The following UBR1 variants were observed in gnomAD, a reference collection of about 807,000 sequenced individuals.
UBR1 encodes E3 ubiquitin-protein ligase UBR1.
In UBR1, 102 loss-of-function variants were observed where a neutral mutation model predicts 242.1. That is an observed-to-expected ratio of 0.42 (90% CI 0.36 to 0.50). The LOEUF is 0.50. Ranked by LOEUF, UBR1 falls within the 20% of genes least tolerant of loss-of-function variation. The pLI is 0.01. For missense variants in UBR1, 1,772 were observed against 2,101.8 expected, an observed-to-expected ratio of 0.84 and a Z score of 3.07; for synonymous variants, 675 against 684.8, an observed-to-expected ratio of 0.99 and a Z score of 0.22.
chr15:42,994,727 T>C (rs2032609678), intron 33 of UBR1, among the ~76,000 whole-genome samples: 1 of 152,210 alleles, frequency 6.6e-6, no homozygotes, highest in African/African-American at 2.4e-5. Context: ...GCTGTTTCTT[T>C]TCCCCAAACA....
chr15:43,022,681 A>T, intron 26 of UBR1, 21 bp downstream of exon 26: 1 of 1,519,440 alleles, frequency 6.6e-7, no homozygotes, highest in Non-Finnish European at 9.1e-7. Context: ...AAATGTGTTG[A>T]AGAGTGATAC....
At chr15:42,999,044 G>A (rs888487833) in intron 32 of UBR1, among the ~76,000 whole-genome samples, 2 of 150,370 alleles carry the variant, frequency 1.3e-5, no homozygotes, top group African/African-American at 2.4e-5. Context: ...GGGTTCAAGC[G>A]ATTCTCCTGC....
At chr15:42,959,147 C>A (rs1006728751) in intron 43 of UBR1, among the ~76,000 whole-genome samples, 1 of 152,122 alleles carries the variant, frequency 6.6e-6, no homozygotes, top group African/African-American at 2.4e-5. Context: ...AATTTAAATT[C>A]TGTAATTCTT....
intron 1 of UBR1, among the ~76,000 whole-genome samples, chr15:43,101,483 T>C (rs1002887629): frequency 1.3e-5 from 2 of 152,148 alleles, no homozygotes; most frequent in Non-Finnish European, 2.9e-5. Flanking sequence ...ACAAAACTCT[T>C]GATCTGCCTT....
chr15:43,090,965 GT>G (rs2034098806), intron 1 of UBR1, among the ~76,000 whole-genome samples: 1 of 152,014 alleles, frequency 6.6e-6, no homozygotes, highest in African/African-American at 2.4e-5. Flanking sequence ...TTGAGGTGGA[GT>G]TTTGCTCTTC....
chr15:42,956,164 G>C (rs188630420), intron 44 of UBR1, among the ~76,000 whole-genome samples: 1 of 152,026 alleles, frequency 6.6e-6, no homozygotes, highest in Non-Finnish European at 1.5e-5. Flanking sequence ...CTGTTTAATG[G>C]GCTTCCATGT....
intron 15 of UBR1, 121 bp downstream of exon 15, chr15:43,043,094 T>TA: frequency 9.2e-7 from 1 of 1,083,208 alleles, no homozygotes; most frequent in Non-Finnish European, 1.4e-6. Context: ...TTAACTGCAG[T>TA]ATCTGACCTG....
chr15:43,059,579 T>C, intron 8 of UBR1, 123 bp downstream of exon 8: 5 of 1,151,988 alleles, frequency 4.3e-6, no homozygotes, highest in Non-Finnish European at 4.8e-6. Context: ...TTAATCAAAG[T>C]GTATAAACCA....
At chr15:42,947,219 C>T (rs1313482394) in intron 46 of UBR1, among the ~76,000 whole-genome samples, 1 of 152,174 alleles carries the variant, frequency 6.6e-6, no homozygotes, top group Non-Finnish European at 1.5e-5. Flanking sequence ...ACACTACAAA[C>T]TTATACTATC....
chr15:43,059,719 T>C lies in UBR1; in HGVS notation c.968A>G (p.Lys323Arg). 1 of 1,614,122 alleles carries C rather than the reference T, an allele frequency of 6.2e-7. No homozygotes were observed. Among genetic ancestry groups the C allele is most frequent in the Non-Finnish European group, 8.5e-7 (1 of 1,180,012 alleles). Residue 323 changes from lysine (K) to arginine (R), a missense_variant, in exon 8 of 47, where the codon AAA (lysine) becomes AGA (arginine). Physicochemically the swap from Lys to Arg is conservative, Grantham distance 26. Around this residue, in one of 3 missense-constraint regions of UBR1, gnomAD observed 734 missense variants for 893.3 expected, o/e 0.82. Coordinates refer to ENST00000290650, the MANE Select transcript of UBR1 (RefSeq NM_174916.3). ...FALRLGSWMN[K>R]IMSYSSDFRQ... ...ATGCTTACTTGAATAGCTCATAATT[T>C]TGTTCATCCAGGAACCAAGACGCAA...
chr15:43,016,702 G>A lies in UBR1; in HGVS notation c.3027+393C>T, dbSNP rs546330302. ...AGTGATTTTCGTGCCTCAGCCTCCCGAGTAGCTGGGACTACATGAGCAAGC... is the reference window on the plus strand; with the variant it reads ...AGTGATTTTCGTGCCTCAGCCTCCCAAGTAGCTGGGACTACATGAGCAAGC... On this transcript the variant is annotated intron_variant, in intron 28 of 46. Coordinates refer to ENST00000290650, the MANE Select transcript of UBR1 (RefSeq NM_174916.3). 2.6e-5 allele frequency among the ~76,000 whole-genome samples: 4 copies of A among 152,102 alleles called. No individual in the cohort carries two copies. In the South Asian group the frequency reaches 6.2e-4, roughly 24 times the overall value.
Position 43,017,161 on chromosome 15 carries a change from T to G in UBR1, c.2961A>C (p.Arg987=). 6.2e-7 allele frequency: 1 copy of G among 1,613,406 alleles called. No individual in the cohort carries two copies. The highest frequency in any genetic ancestry group is 2.2e-5 in the East Asian group (1 of 44,858). ...WILQMFDTVK[R]LREKSCLIVA... Reference sequence around the variant, plus strand: ...CAATTAAACAAGATTTTTCTCTTAATCGCTTCACTGTGTCAAACATCTGTG... The same window carrying G: ...CAATTAAACAAGATTTTTCTCTTAAGCGCTTCACTGTGTCAAACATCTGTG... Residue 987 remains arginine (R), a synonymous_variant, in exon 28 of 47, where the codon CGA becomes CGC. Transcript: ENST00000290650.
chr15:43,086,787 T>C (rs2141361412), intron 1 of UBR1, among the ~76,000 whole-genome samples: 1 of 152,240 alleles, frequency 6.6e-6, no homozygotes, highest in South Asian at 2.1e-4. Context: ...AAGCACAAAT[T>C]AAAATGACAA....
intron 37 of UBR1, among the ~76,000 whole-genome samples, chr15:42,978,795 G>T (rs1198319936): frequency 6.8e-6 from 1 of 146,012 alleles, no homozygotes; most frequent in Non-Finnish European, 1.5e-5. Context: ...GTGGCATGAT[G>T]TCGGCTCACC....
intron 41 of UBR1, among the ~76,000 whole-genome samples, chr15:42,964,465 G>A (rs866299306): frequency 4.0e-5 from 6 of 151,534 alleles, no homozygotes; most frequent in East Asian, 1.9e-4. Flanking sequence ...GCGAAACTCC[G>A]TCTCAAAAAA....
At chr15:42,961,854 A>G (rs1453834798) in intron 42 of UBR1, among the ~76,000 whole-genome samples, 1 of 151,520 alleles carries the variant, frequency 6.6e-6, no homozygotes, top group African/African-American at 2.4e-5. Context: ...TCCAGAGTTC[A>G]AGCAATTCTC....
chr15:43,047,054 A>T (rs2033495280), intron 14 of UBR1, 107 bp downstream of exon 14: 6 of 1,328,434 alleles, frequency 4.5e-6, no homozygotes, highest in Non-Finnish European at 6.3e-6. Flanking sequence ...AAAAGCTACT[A>T]TAAATAATAA....
intron 37 of UBR1, among the ~76,000 whole-genome samples, chr15:42,978,513 T>C (rs531167804): frequency 2.0e-5 from 3 of 152,266 alleles, no homozygotes; most frequent in African/African-American, 7.2e-5. Flanking sequence ...AAAGCTGTAA[T>C]TCCAAAAGTG....
intron 10 of UBR1, among the ~76,000 whole-genome samples, chr15:43,057,191 T>C (rs1789207602): frequency 6.6e-6 from 1 of 152,216 alleles, no homozygotes; most frequent in African/African-American, 2.4e-5. Flanking sequence ...TCCAATATTC[T>C]ATATCTGAAG....
Sources: gnomAD v4.1 joint callset for allele counts (sites outside exome capture counted in the v4.1 genomes callset) on GRCh38, gnomAD v4.1.1 for gene constraint, gnomAD v4.1.1 regional missense constraint, MANE v1.5 for transcripts, NCBI Gene and HGNC (gene_info 2026-07-23, HGNC 2026-07-21) for gene names.